The following DOCK4 variants were observed in gnomAD, a reference collection of about 807,000 sequenced individuals.
DOCK4 encodes dedicator of cytokinesis 4.
DOCK4 carries 97 observed loss-of-function variants against 268.1 expected under a neutral mutation model. That is an observed-to-expected ratio of 0.36 (90% CI 0.31 to 0.43). The LOEUF (loss-of-function observed/expected upper bound fraction) is 0.43, where lower values mean the gene tolerates loss of function less well. Among genes scored for constraint, DOCK4 ranks in the 20% least tolerant of loss-of-function variants. The probability of loss-of-function intolerance (pLI) is 1.00; values close to 1 mark genes in which losing one functional copy is unlikely to be tolerated. For missense variants in DOCK4, 2,145 were observed against 2,455.7 expected (o/e 0.87, Z 2.67); for synonymous variants, 954 against 887.2 (o/e 1.08, Z -1.34).
intron 1 of DOCK4, among the ~76,000 whole-genome samples, chr7:112,139,967 T>TTA (rs1471169317): frequency 1.3e-5 from 2 of 152,016 alleles, no homozygotes; most frequent in Non-Finnish European, 2.9e-5. Context: ...GAAAATACAA[T>TTA]TATCTCTAGC....
chr7:111,994,368 A>G (rs2135251875), intron 4 of DOCK4, 137 bp from the exon 5 acceptor site: 2 of 536,232 alleles, frequency 3.7e-6, no homozygotes, highest in Non-Finnish European at 6.5e-6. Context: ...GGATCTGGTT[A>G]TAAGTTAATG....
At chr7:112,193,288 A>T (rs536838351) in intron 1 of DOCK4, among the ~76,000 whole-genome samples, 1 of 152,316 alleles carries the variant, frequency 6.6e-6, no homozygotes, top group Non-Finnish European at 1.5e-5. Context: ...TTACTAGTCG[A>T]TATCTACCAT....
chr7:112,123,822 T>A (rs1812968209), intron 1 of DOCK4, among the ~76,000 whole-genome samples: 1 of 152,140 alleles, frequency 6.6e-6, no homozygotes. Flanking sequence ...AAGAAAAACC[T>A]GCTTTAAAAA....
chr7:112,057,980 T>A (rs1805990717), intron 1 of DOCK4, among the ~76,000 whole-genome samples: 1 of 150,880 alleles, frequency 6.6e-6, no homozygotes, highest in Non-Finnish European at 1.5e-5. Context: ...AGTACATGGA[T>A]ATAAATTGTA....
chr7:111,823,097 C>A (rs192212999), intron 26 of DOCK4, among the ~76,000 whole-genome samples: 1 of 150,650 alleles, frequency 6.6e-6, no homozygotes, highest in African/African-American at 2.5e-5. Context: ...ATATTCCTCA[C>A]AAAGATGCCA....
At chr7:111,871,009 C>T (rs1806383288) in intron 20 of DOCK4, among the ~76,000 whole-genome samples, 1 of 152,180 alleles carries the variant, frequency 6.6e-6, no homozygotes, top group Non-Finnish European at 1.5e-5. Flanking sequence ...AACAAAAATA[C>T]CTTCATTCAT....
At position 111,878,052 on chromosome 7, in the gene DOCK4, A is replaced by G. The variant is rs146995034; in HGVS notation, c.1588-866T>C. Among the ~76,000 whole-genome samples the G allele has an allele frequency of 1.1e-3, 166 of 152,348 alleles. 1 individual carries two copies. The East Asian group carries it at 0.02, about 19-fold the overall frequency. On this transcript the variant is annotated intron_variant, in intron 16 of 52. Transcript: ENST00000428084. ...TCCATCACATCTAGATTCAACTTCC[A>G]TATCACAGGAAACACAAGAGATAGA...
intron 24 of DOCK4, among the ~76,000 whole-genome samples, chr7:111,846,268 C>T (rs1804092787): frequency 6.6e-6 from 1 of 152,146 alleles, no homozygotes; most frequent in Non-Finnish European, 1.5e-5. Context: ...CTCCATAAAA[C>T]CTGTTACCGA....
At chr7:111,958,264 T>G (rs1467529143) in intron 8 of DOCK4, among the ~76,000 whole-genome samples, 1 of 152,182 alleles carries the variant, frequency 6.6e-6, no homozygotes. Flanking sequence ...CAAAGTCTTA[T>G]CTTTGGAAAA....
At chr7:111,848,921 C>T (rs1251900990) in intron 23 of DOCK4, among the ~76,000 whole-genome samples, 3 of 152,172 alleles carry the variant, frequency 2.0e-5, no homozygotes, top group Admixed American at 6.5e-5. Flanking sequence ...ATTGACCATC[C>T]CTTTATCTGC....
intron 4 of DOCK4, among the ~76,000 whole-genome samples, chr7:111,995,718 G>A (rs1799905878): frequency 6.6e-6 from 1 of 151,936 alleles, no homozygotes; most frequent in African/African-American, 2.4e-5. Flanking sequence ...ATTGTCTTTT[G>A]TAAAATCTTC....
chr7:111,878,647 T>G (rs1394313251), intron 16 of DOCK4, among the ~76,000 whole-genome samples: 1 of 151,170 alleles, frequency 6.6e-6, no homozygotes, highest in African/African-American at 2.4e-5. Context: ...GGAGAAAGAA[T>G]CTGTGCAAGT....
At chr7:111,971,036 T>A (rs992887612) in intron 8 of DOCK4, among the ~76,000 whole-genome samples, 8 of 152,230 alleles carry the variant, frequency 5.3e-5, no homozygotes, top group African/African-American at 1.9e-4. Context: ...ACATGCTTCA[T>A]AATTCTACTG....
chr7:111,896,647 C>T (rs1463654184), intron 15 of DOCK4, among the ~76,000 whole-genome samples: 1 of 152,106 alleles, frequency 6.6e-6, no homozygotes, highest in Admixed American at 6.5e-5. Context: ...GAGCATTATA[C>T]TTGAACAGAC....
intron 1 of DOCK4, among the ~76,000 whole-genome samples, chr7:112,022,390 C>A (rs768637377): frequency 3.9e-5 from 6 of 152,168 alleles, no homozygotes; most frequent in Non-Finnish European, 8.8e-5. Flanking sequence ...GGTGGTGGTA[C>A]AGGAGAGGGT....
intron 1 of DOCK4, among the ~76,000 whole-genome samples, chr7:112,124,312 T>C (rs1375456493): frequency 6.6e-6 from 1 of 152,226 alleles, no homozygotes; most frequent in South Asian, 2.1e-4. Context: ...TGAGTCACTA[T>C]TGCCTGACCA....
chr7:112,091,747 C>T (rs1214979363), intron 1 of DOCK4, among the ~76,000 whole-genome samples: 1 of 152,074 alleles, frequency 6.6e-6, no homozygotes, highest in Non-Finnish European at 1.5e-5. Flanking sequence ...CACTGATGCC[C>T]CTAGTTAATA....
intron 10 of DOCK4, among the ~76,000 whole-genome samples, chr7:111,941,372 C>T (rs932912518): frequency 6.6e-6 from 1 of 152,080 alleles, no homozygotes; most frequent in Admixed American, 6.6e-5. Context: ...ATCAACCAAT[C>T]CTACTTTTAC....
intron 29 of DOCK4, 25 bp from the exon 30 acceptor site, chr7:111,808,904 C>T: frequency 6.2e-7 from 1 of 1,608,776 alleles, no homozygotes; most frequent in South Asian, 1.1e-5. Flanking sequence ...AAAACCAAAC[C>T]TGATACAATG....
Sources: allele counts gnomAD v4.1 joint callset (sites outside exome capture counted in the v4.1 genomes callset), GRCh38; gene constraint gnomAD v4.1.1; transcripts MANE v1.5; gene names NCBI Gene and HGNC (gene_info 2026-07-23, HGNC 2026-07-21).